The following ADARB2 variants were observed in gnomAD, a reference collection of about 807,000 sequenced individuals.
ADARB2 encodes the protein adenosine deaminase RNA specific B2 (inactive).
In ADARB2, 25 loss-of-function variants were observed where a neutral mutation model predicts 62.2. The ratio of observed to expected loss-of-function variants is 0.40; its 90% confidence interval spans 0.29 to 0.56. ADARB2 has a LOEUF of 0.56. ADARB2 is among the 20% of genes least tolerant of loss of function. ADARB2 has a pLI of 0.43. For synonymous variants in ADARB2, 572 were observed against 500.8 expected (o/e 1.14, Z -1.90); for missense variants, 1,071 against 1,077.4 (o/e 0.99, Z 0.08).
At chr10:1,601,325 A>G (rs34420802) in intron 1 of ADARB2, among the ~76,000 whole-genome samples, 36,296 of 152,106 alleles carry the variant, frequency 0.24, 4,483 homozygotes, top group Non-Finnish European at 0.26. Flanking sequence ...ATCGGACAGA[A>G]TCCAGGTTCG....
intron 1 of ADARB2, among the ~76,000 whole-genome samples, chr10:1,430,064 A>C (rs1449376803): frequency 1.3e-5 from 2 of 152,220 alleles, no homozygotes; most frequent in East Asian, 1.9e-4. Flanking sequence ...GGCGCTCTCT[A>C]TATATAGAGG....
intron 1 of ADARB2, among the ~76,000 whole-genome samples, chr10:1,603,970 A>G (rs1303572497): frequency 2.0e-5 from 3 of 151,960 alleles, no homozygotes; most frequent in Admixed American, 6.6e-5. Flanking sequence ...ATGCCTGACT[A>G]ATTTTTGTAT....
At chr10:1,702,472 T>C (rs1440292299) in intron 1 of ADARB2, among the ~76,000 whole-genome samples, 1 of 152,240 alleles carries the variant, frequency 6.6e-6, no homozygotes, top group Non-Finnish European at 1.5e-5. Context: ...TCCCAGCACC[T>C]GGGCAGGTAG....
chr10:1,428,697 G>T lies in ADARB2; in HGVS notation c.101-49537C>A, dbSNP rs184407529. Among the ~76,000 whole-genome samples, 10 of 152,170 alleles carry T rather than the reference G, an allele frequency of 6.6e-5. No homozygotes were observed. The East Asian group carries it at 1.5e-3, about 24-fold the overall frequency. ...GGGGCTGGGGATGGGAGGGAGGGGG[G>T]TGTGCTTATGAAAGGGACAACATGG... On this transcript the variant is annotated intron_variant, in intron 1 of 9. Transcript: ENST00000381312.
intron 1 of ADARB2, among the ~76,000 whole-genome samples, chr10:1,510,334 T>G (rs1053862981): frequency 6.6e-6 from 1 of 151,886 alleles, no homozygotes; most frequent in African/African-American, 2.4e-5. Flanking sequence ...CTGCGTGCCA[T>G]GATATTCAGC....
chr10:1,615,042 A>G (rs1833615257), intron 1 of ADARB2, among the ~76,000 whole-genome samples: 1 of 152,182 alleles, frequency 6.6e-6, no homozygotes, highest in South Asian at 2.1e-4. Context: ...TCTACTGAGA[A>G]GTGTATGTGT....
chr10:1,423,507 G>T (rs1832868041), intron 1 of ADARB2, among the ~76,000 whole-genome samples: 1 of 72,962 alleles, frequency 1.4e-5, no homozygotes, highest in Non-Finnish European at 2.7e-5. Flanking sequence ...AGGGGAGGCA[G>T]GGACTACTCT....
rs141680311 is a variant in ADARB2 at position 1,446,408 on chromosome 10, G to A, written c.101-67248C>T. Among the ~76,000 whole-genome samples the A allele has an allele frequency of 1.3e-3, 199 of 152,352 alleles. 1 individual carries two copies. Among genetic ancestry groups the A allele is most frequent in the African/African-American group, 4.7e-3 (195 of 41,588 alleles). ...TGTACAAGCTATGTTACATGCACCTGTTTATTCAGTCTTCACAATGACTTT... is the reference window on the plus strand; with the variant it reads ...TGTACAAGCTATGTTACATGCACCTATTTATTCAGTCTTCACAATGACTTT... On this transcript the variant is annotated intron_variant, in intron 1 of 9. Coordinates refer to ENST00000381312, the MANE Select transcript of ADARB2 (RefSeq NM_018702.4).
intron 3 of ADARB2, among the ~76,000 whole-genome samples, chr10:1,287,301 C>G (rs1189264329): frequency 6.6e-6 from 1 of 152,198 alleles, no homozygotes; most frequent in Non-Finnish European, 1.5e-5. Context: ...GTATTGGGTG[C>G]AATGTGATGT....
chr10:1,658,359 C>T (rs1325419691), intron 1 of ADARB2, among the ~76,000 whole-genome samples: 1 of 151,300 alleles, frequency 6.6e-6, no homozygotes, highest in Non-Finnish European at 1.5e-5. Context: ...CTGATTCTCT[C>T]TGTTTTTCTC....
chr10:1,231,461 C>T (rs908708157), intron 6 of ADARB2, among the ~76,000 whole-genome samples: 1 of 152,100 alleles, frequency 6.6e-6, no homozygotes, highest in East Asian at 1.9e-4. Flanking sequence ...GGTGGTTTTT[C>T]TGTCTCTCTC....
intron 7 of ADARB2, among the ~76,000 whole-genome samples, chr10:1,204,196 A>C (rs990645116): frequency 3.9e-5 from 6 of 152,136 alleles, no homozygotes; most frequent in Non-Finnish European, 5.9e-5. Flanking sequence ...ACGTCTCTGC[A>C]TACAGGCCCC....
chr10:1,294,151 G>A (rs1831502838), intron 3 of ADARB2, among the ~76,000 whole-genome samples: 1 of 152,142 alleles, frequency 6.6e-6, no homozygotes, highest in Admixed American at 6.5e-5. Flanking sequence ...TTGAGATGAG[G>A]AAGAATTCAA....
At chr10:1,234,300 CCTT>C (rs944799930) in intron 5 of ADARB2, among the ~76,000 whole-genome samples, 4 of 151,544 alleles carry the variant, frequency 2.6e-5, no homozygotes, top group African/African-American at 9.7e-5. Context: ...CCAAGTTTCT[CCTT>C]CTTCACACCC....
intron 1 of ADARB2, among the ~76,000 whole-genome samples, chr10:1,614,138 T>G (rs1833602999): frequency 6.6e-6 from 1 of 152,170 alleles, no homozygotes; most frequent in African/African-American, 2.4e-5. Flanking sequence ...GAATGCAGCA[T>G]TTCCATTTTC....
intron 1 of ADARB2, among the ~76,000 whole-genome samples, chr10:1,697,760 C>T (rs1352117196): frequency 2.0e-5 from 3 of 152,154 alleles, no homozygotes; most frequent in Non-Finnish European, 4.4e-5. Context: ...GGCCCGTGAC[C>T]TGAGCACGGT....
intron 3 of ADARB2, among the ~76,000 whole-genome samples, chr10:1,308,093 T>C (rs1481620305): frequency 1.4e-5 from 2 of 141,110 alleles, no homozygotes; most frequent in Non-Finnish European, 3.2e-5. Context: ...AAAAAATAAA[T>C]TAAAAAAAAA....
intron 2 of ADARB2, 71 bp from the exon 3 acceptor site, chr10:1,363,988 C>T (rs1832289943): frequency 7.2e-7 from 1 of 1,397,762 alleles, no homozygotes; most frequent in Non-Finnish European, 9.2e-7. Flanking sequence ...GCAGGCACTC[C>T]CTGAGGGTCC....
intron 1 of ADARB2, among the ~76,000 whole-genome samples, chr10:1,404,180 T>C (rs1252140629): frequency 6.6e-6 from 1 of 152,238 alleles, no homozygotes; most frequent in East Asian, 1.9e-4. Flanking sequence ...GCTTACTTAG[T>C]TAAAACAAGC....
Sources: allele counts gnomAD v4.1 joint callset (sites outside exome capture counted in the v4.1 genomes callset), GRCh38; gene constraint gnomAD v4.1.1; transcripts MANE v1.5; gene names NCBI Gene and HGNC (gene_info 2026-07-23, HGNC 2026-07-21).